TGFBR3: variants seen among roughly 807,000 people sequenced by gnomAD.
The protein encoded by TGFBR3 is transforming growth factor beta receptor 3.
TGFBR3 carries 46 observed loss-of-function variants against 87.9 expected under a neutral mutation model. That is an observed-to-expected ratio of 0.52 (90% CI 0.41 to 0.67). The LOEUF (loss-of-function observed/expected upper bound fraction) is 0.67, where lower values mean the gene tolerates loss of function less well. Ranked by LOEUF, TGFBR3 falls within the 30% of genes least tolerant of loss-of-function variation. The pLI, the probability that TGFBR3 is intolerant of heterozygous loss-of-function variation, is 0.00. For synonymous variants in TGFBR3, 381 were observed against 391.6 expected, an observed-to-expected ratio of 0.97 and a Z score of 0.32; for missense variants, 866 against 1,041.9, an observed-to-expected ratio of 0.83 and a Z score of 2.32.
At chr1:91,805,274 G>A (rs1487390364) in intron 2 of TGFBR3, among the ~76,000 whole-genome samples, 2 of 152,118 alleles carry the variant, frequency 1.3e-5, no homozygotes, top group African/African-American at 4.8e-5. Context: ...ATTCCTTAAG[G>A]GTAGCTCCCA....
intron 3 of TGFBR3, among the ~76,000 whole-genome samples, chr1:91,760,959 C>T (rs1327039771): frequency 6.6e-6 from 1 of 152,162 alleles, no homozygotes; most frequent in Non-Finnish European, 1.5e-5. Context: ...AACTGCAAAG[C>T]AACACTCTTT....
intron 2 of TGFBR3, among the ~76,000 whole-genome samples, chr1:91,803,650 C>G (rs1303474243): frequency 1.3e-5 from 2 of 151,784 alleles, no homozygotes; most frequent in African/African-American, 4.8e-5. Flanking sequence ...ATGTACTTGC[C>G]TTCTTTTATT....
Position 91,758,613 on chromosome 1 carries a change from C to G in TGFBR3, c.384G>C (p.Leu128Phe). The stretch of plus-strand genomic sequence containing the variant: ...GTTTGGGGGAGGTTTAAGCACTTAC[C>G]AAAAACAGTCTGGAGACCCCAGTGG... ...RLATGVSRLF[L>F]VSEGSVVQFS... Residue 128 changes from leucine (L) to phenylalanine (F), a missense_variant and splice_region_variant, in exon 4 of 17, where the codon TTG becomes TTC. Leu to Phe is a conservative substitution (Grantham distance 22). Transcript: ENST00000212355. The G allele has an allele frequency of 6.2e-7, 1 of 1,613,818 alleles. No individual in the cohort carries two copies. Among genetic ancestry groups the G allele is most frequent in the Non-Finnish European group, 8.5e-7 (1 of 1,179,834 alleles).
chr1:91,773,742 T>C (rs151215521), intron 3 of TGFBR3, among the ~76,000 whole-genome samples: 31 of 152,326 alleles, frequency 2.0e-4, no homozygotes, highest in Non-Finnish European at 4.0e-4. Context: ...GTGACTGAAT[T>C]ATCAATTTCA....
chr1:91,758,724 G>A lies in TGFBR3; in HGVS notation c.273C>T (p.Ser91=). 6.2e-7 allele frequency: 1 copy of A among 1,613,976 alleles called. No homozygotes were observed. Among genetic ancestry groups the A allele is most frequent in the Non-Finnish European group, 8.5e-7 (1 of 1,179,904 alleles). Reference sequence around the variant, plus strand: ...CAGACTTGTGGTGGATGTGGACTGAGGAGATGGGATTCAGGTGAAGTGTGA... The same window carrying A: ...CAGACTTGTGGTGGATGTGGACTGAAGAGATGGGATTCAGGTGAAGTGTGA... ...REVTLHLNPI[S]SVHIHHKSVV... Residue 91 remains serine (S), a synonymous_variant, in exon 4 of 17, where the codon TCC becomes TCT. Transcript: ENST00000212355.
intron 1 of TGFBR3, among the ~76,000 whole-genome samples, chr1:91,868,290 A>T (rs560448269): frequency 6.6e-6 from 1 of 152,350 alleles, no homozygotes; most frequent in South Asian, 2.1e-4. Context: ...ACTTCCAAAA[A>T]GAAAATAAGC....
intron 2 of TGFBR3, among the ~76,000 whole-genome samples, chr1:91,825,890 A>C (rs973031393): frequency 1.3e-5 from 2 of 151,942 alleles, no homozygotes; most frequent in South Asian, 4.2e-4. Flanking sequence ...CTGAGGCAGA[A>C]CAATCCCTTG....
At chr1:91,700,590 G>A (rs572480029) in intron 14 of TGFBR3, among the ~76,000 whole-genome samples, 1 of 152,274 alleles carries the variant, frequency 6.6e-6, no homozygotes, top group Admixed American at 6.5e-5. Context: ...GAGGATATAT[G>A]CAAAAGTATA....
rs1671379236 is a variant in TGFBR3, at chr1:91,694,936, T to TA, written c.2437+735_2437+736insT. Among the ~76,000 whole-genome samples the TA allele has an allele frequency of 4.6e-5, 7 of 152,198 alleles. No homozygotes were observed. The South Asian group carries it at 1.5e-3, about 32-fold the overall frequency. On this transcript the variant is annotated intron_variant, in intron 16 of 16. Coordinates refer to ENST00000212355, the MANE Select transcript of TGFBR3 (RefSeq NM_003243.5). ...ATCAATAGCAGGACAATCCATTTGT[T>TA]CTTTCTCCATTGCACTAAAGACTCC...
intron 3 of TGFBR3, among the ~76,000 whole-genome samples, chr1:91,789,767 C>T (rs1675118017): frequency 6.6e-6 from 1 of 152,192 alleles, no homozygotes; most frequent in Admixed American, 6.5e-5. Context: ...TGACCAGTGC[C>T]AGCTCTCGCT....
intron 14 of TGFBR3, among the ~76,000 whole-genome samples, chr1:91,703,373 G>C (rs1487776839): frequency 6.6e-6 from 1 of 152,160 alleles, no homozygotes; most frequent in Non-Finnish European, 1.5e-5. Context: ...GAGAGGAAGG[G>C]GAGGAAATTA....
At chr1:91,848,016 G>A (rs548955453) in intron 2 of TGFBR3, among the ~76,000 whole-genome samples, 1 of 152,168 alleles carries the variant, frequency 6.6e-6, no homozygotes, top group African/African-American at 2.4e-5. Flanking sequence ...CCTGGTTTCT[G>A]CAGGTGCACC....
chr1:91,744,486 C>G (rs1288416035), intron 4 of TGFBR3, among the ~76,000 whole-genome samples: 1 of 152,184 alleles, frequency 6.6e-6, no homozygotes, highest in Non-Finnish European at 1.5e-5. Flanking sequence ...TCTAGAGCCT[C>G]CTCCAATTTG....
At chr1:91,762,420 A>C (rs12407784) in intron 3 of TGFBR3, among the ~76,000 whole-genome samples, 29,266 of 152,142 alleles carry the variant, frequency 0.19, 3,126 homozygotes, top group East Asian at 0.45. Context: ...AACAAAATGG[A>C]TCCATCTAAT....
At chr1:91,761,203 T>C (rs975535796) in intron 3 of TGFBR3, among the ~76,000 whole-genome samples, 3 of 152,174 alleles carry the variant, frequency 2.0e-5, no homozygotes, top group African/African-American at 7.2e-5. Flanking sequence ...GTATTTCAAA[T>C]GAACAAGAAT....
intron 3 of TGFBR3, among the ~76,000 whole-genome samples, chr1:91,773,242 A>AT (rs3039444): frequency 7.5e-4 from 111 of 148,186 alleles, no homozygotes; most frequent in South Asian, 6.4e-3. Flanking sequence ...TAAATAAATG[A>AT]TTTTTTTTTT....
chr1:91,886,129 C>G lies in TGFBR3; in HGVS notation c.-365G>C. The stretch of plus-strand genomic sequence containing the variant: ...TCGCTGGGAAGAGGAAAGTGCCGCT[C>G]GGCGTCCCCGAAACCCTCGATTACC... On this transcript the variant is annotated 5_prime_UTR_variant, in exon 1 of 17. Coordinates refer to ENST00000212355, the MANE Select transcript of TGFBR3 (RefSeq NM_003243.5). The G allele has an allele frequency of 2.2e-6, 1 of 454,094 alleles. No individual in the cohort carries two copies. The highest frequency in any genetic ancestry group is 1.6e-5 in the South Asian group (1 of 64,472). 28.1% of individuals were successfully genotyped at this position (454,094 alleles called of 1,614,324 possible). A position where few individuals can be genotyped will look rare whatever the true frequency, so the allele number is the denominator to read the frequency against.
In TGFBR3 at chr1:91,712,515, G is replaced by T. The variant is rs746926980; in HGVS notation, c.1894C>A (p.Leu632Met). 1.2e-6 allele frequency: 2 copies of T among 1,614,194 alleles called. No individual in the cohort carries two copies. ...EVSVTKAEQE[L>M]GFAIQTCFIS... ...AAGCACGTTTGGATGGCAAATCCCAGTTCTTGTTCAGCCTTAGTAACAGAT... is the reference window on the plus strand; with the variant it reads ...AAGCACGTTTGGATGGCAAATCCCATTTCTTGTTCAGCCTTAGTAACAGAT... The change falls in exon 13 of 17, where the codon CTG becomes ATG. Residue 632 changes from leucine (L) to methionine (M), a missense_variant. Leu to Met is a conservative substitution (Grantham distance 15). Coordinates refer to ENST00000212355, the MANE Select transcript of TGFBR3 (RefSeq NM_003243.5).
At chr1:91,831,875 G>T (rs1403869034) in intron 2 of TGFBR3, among the ~76,000 whole-genome samples, 4 of 152,162 alleles carry the variant, frequency 2.6e-5, no homozygotes, top group Non-Finnish European at 5.9e-5. Context: ...AAAAAAGCAT[G>T]TTCAAAATCT....
Sources: gnomAD v4.1 joint callset for allele counts (sites outside exome capture counted in the v4.1 genomes callset) on GRCh38, gnomAD v4.1.1 for gene constraint, MANE v1.5 for transcripts, NCBI Gene and HGNC (gene_info 2026-07-23, HGNC 2026-07-21) for gene names.